RTN4RL1: variants seen among roughly 807,000 people sequenced by gnomAD.
The protein encoded by RTN4RL1 is reticulon-4 receptor-like 1.
Under a neutral mutation model 25.6 loss-of-function variants are expected in RTN4RL1, and 7 were observed. The observed-to-expected ratio is 0.27, with a 90% CI of 0.16 to 0.51. The LOEUF is 0.51. RTN4RL1 is among the 20% of genes least tolerant of loss of function. The probability of loss-of-function intolerance (pLI) is 0.97; values close to 1 mark genes in which losing one functional copy is unlikely to be tolerated. For synonymous variants in RTN4RL1, 297 were observed against 288.2 expected, an observed-to-expected ratio of 1.03 and a Z score of -0.31; for missense variants, 500 against 615.6, an observed-to-expected ratio of 0.81 and a Z score of 1.99.
intron 1 of RTN4RL1, among the ~76,000 whole-genome samples, chr17:2,011,981 G>A (rs1356637699): frequency 6.6e-6 from 1 of 152,160 alleles, no homozygotes; most frequent in African/African-American, 2.4e-5. Flanking sequence ...CCCTCCCTGG[G>A]AGGAGAGGAA....
intron 1 of RTN4RL1, among the ~76,000 whole-genome samples, chr17:1,971,961 C>CAA (rs1323277246): frequency 1.7e-4 from 10 of 59,868 alleles, no homozygotes; most frequent in Admixed American, 3.6e-4. Flanking sequence ...GACTCCCTCT[C>CAA]AAAAAAAAAA....
intron 1 of RTN4RL1, among the ~76,000 whole-genome samples, chr17:1,956,421 G>T (rs1915794586): frequency 1.3e-5 from 2 of 149,082 alleles, no homozygotes; most frequent in African/African-American, 4.9e-5. Flanking sequence ...GAAGGCTGAG[G>T]ACTCAAGTGG....
Position 1,976,531 on chromosome 17 carries a change from G to T in RTN4RL1, c.14-38723C>A, listed in dbSNP as rs1251042662. Among the ~76,000 whole-genome samples, 4 of 152,246 alleles carry T rather than the reference G, an allele frequency of 2.6e-5. No homozygotes were observed. In the East Asian group the frequency reaches 7.7e-4, roughly 29 times the overall value. ...ACCCACATCCTGGCCCTGCCACTCAGCAGCAGTGTGACTTTGGGCAGGTGG... is the reference window on the plus strand; with the variant it reads ...ACCCACATCCTGGCCCTGCCACTCATCAGCAGTGTGACTTTGGGCAGGTGG... On this transcript the variant is annotated intron_variant, in intron 1 of 1. Coordinates refer to ENST00000331238, the MANE Select transcript of RTN4RL1 (RefSeq NM_178568.4).
intron 1 of RTN4RL1, among the ~76,000 whole-genome samples, chr17:2,002,072 G>A (rs946128689): frequency 6.6e-6 from 1 of 151,546 alleles, no homozygotes; most frequent in Non-Finnish European, 1.5e-5. Flanking sequence ...GACAAGCATC[G>A]GAGGTTGGGG....
chr17:2,009,187 T>A (rs903205942), intron 1 of RTN4RL1, among the ~76,000 whole-genome samples: 1 of 152,196 alleles, frequency 6.6e-6, no homozygotes, highest in African/African-American at 2.4e-5. Context: ...TCGCCGGGCT[T>A]GGTGGCTCAC....
chr17:2,001,661 T>A (rs2066958335), intron 1 of RTN4RL1: 1 of 152,308 alleles, frequency 6.6e-6, no homozygotes, highest in Middle Eastern at 3.2e-3. Flanking sequence ...AGAGCCATGC[T>A]GCAAGGTAGA....
At chr17:1,968,767 T>G (rs4239065) in intron 1 of RTN4RL1, among the ~76,000 whole-genome samples, 58,608 of 151,768 alleles carry the variant, frequency 0.39, 11,674 homozygotes, top group Admixed American at 0.53. Flanking sequence ...CTCATTGCAC[T>G]TGTTCTTTGA....
chr17:1,995,345 A>G (rs1442858523), intron 1 of RTN4RL1, among the ~76,000 whole-genome samples: 1 of 151,744 alleles, frequency 6.6e-6, no homozygotes. Flanking sequence ...AAAATCACTT[A>G]AACTCGGGAG....
chr17:1,934,766 G>A lies in RTN4RL1; in HGVS notation c.*1730C>T, dbSNP rs574533029. The A allele has an allele frequency of 6.5e-6, 1 of 152,770 alleles. No individual in the cohort carries two copies. Among genetic ancestry groups the A allele is most frequent in the African/African-American group, 2.4e-5 (1 of 41,560 alleles). 9.5% of individuals were successfully genotyped at this position (152,770 alleles called of 1,614,324 possible). A position where few individuals can be genotyped will look rare whatever the true frequency, so the allele number is the denominator to read the frequency against. ...GCTCCTCACACACATCCTCTCTGGT[G>A]GGGGATTCAGGTTTGTGCAAAGCAC... On this transcript the variant is annotated 3_prime_UTR_variant, in exon 2 of 2. Transcript: ENST00000331238. This position sits in a 1 kb window ranked among gnomAD's most constrained non-coding sequence, Gnocchi z 4.0.
At chr17:1,972,264 G>A (rs551401889) in intron 1 of RTN4RL1, among the ~76,000 whole-genome samples, 6 of 150,104 alleles carry the variant, frequency 4.0e-5, no homozygotes, top group African/African-American at 7.3e-5. Flanking sequence ...CAGAGATCGC[G>A]CCACTGCACT....
chr17:2,010,463 C>G (rs572522073), intron 1 of RTN4RL1, among the ~76,000 whole-genome samples: 1 of 152,158 alleles, frequency 6.6e-6, no homozygotes, highest in South Asian at 2.1e-4. Context: ...GGCTAGCGAG[C>G]AAGACTCTGT....
intron 1 of RTN4RL1, among the ~76,000 whole-genome samples, chr17:1,952,405 C>T (rs149867785): frequency 6.9e-4 from 102 of 147,220 alleles, no homozygotes; most frequent in African/African-American, 2.4e-3. Flanking sequence ...AGTGCGATCT[C>T]GGCTCATTGC....
In RTN4RL1 at chr17:1,994,576, T is replaced by C. The variant is rs1225959773; in HGVS notation, c.13+30277A>G. Among the ~76,000 whole-genome samples the C allele has an allele frequency of 6.6e-6, 1 of 152,158 alleles. No individual in the cohort carries two copies. The highest frequency in any genetic ancestry group is 1.5e-5 in the Non-Finnish European group (1 of 68,022). ...ACAATTTGGGAGAAGGTCCTGCCAC[T>C]ACCTAACTTCACAGAAGGCAGAGGA... On this transcript the variant is annotated intron_variant, in intron 1 of 1. Transcript: ENST00000331238. The surrounding 1 kb of genome is among the most constrained non-coding windows in gnomAD (Gnocchi z 4.3).
chr17:2,019,159 CCT>C (rs1259087261), intron 1 of RTN4RL1: 2 of 152,250 alleles, frequency 1.3e-5, no homozygotes, highest in African/African-American at 2.4e-5. Flanking sequence ...CTTCCCAACT[CCT>C]CTCTCTGTCT....
chr17:1,944,104 T>C (rs1915491061), intron 1 of RTN4RL1, among the ~76,000 whole-genome samples: 3 of 152,124 alleles, frequency 2.0e-5, no homozygotes, highest in African/African-American at 7.2e-5. Flanking sequence ...TTTTTATTTT[T>C]TGTAGCAATA....
At chr17:2,006,246 C>A (rs186383675) in intron 1 of RTN4RL1, among the ~76,000 whole-genome samples, 3 of 152,010 alleles carry the variant, frequency 2.0e-5, no homozygotes, top group African/African-American at 7.2e-5. Context: ...TAACCTCCGC[C>A]TCCCAGGTTC....
At chr17:1,997,926 G>A (rs2066936895) in intron 1 of RTN4RL1, among the ~76,000 whole-genome samples, 1 of 152,196 alleles carries the variant, frequency 6.6e-6, no homozygotes, top group South Asian at 2.1e-4. Flanking sequence ...CGCGCTCCTC[G>A]CAGGCCTTCT....
Position 2,025,202 on chromosome 17 carries a change from G to C in RTN4RL1, c.-337C>G, listed in dbSNP as rs971844577. The C allele has an allele frequency of 1.4e-4, 29 of 214,576 alleles. No homozygotes were observed. Among genetic ancestry groups the C allele is most frequent in the Admixed American group, 1.0e-3 (17 of 17,038 alleles). The allele number at this position is 214,576 out of a possible 1,614,324, so 13.3% of individuals were successfully genotyped here. A position where few individuals can be genotyped will look rare whatever the true frequency, so the allele number is the denominator to read the frequency against. On this transcript the variant is annotated 5_prime_UTR_variant, in exon 1 of 2. Coordinates refer to ENST00000331238, the MANE Select transcript of RTN4RL1 (RefSeq NM_178568.4). This position sits in a 1 kb window ranked among gnomAD's most constrained non-coding sequence, Gnocchi z 4.8. ...GTTTTGAGGGGGGACGCCGCCCCCT[G>C]GCCGGCCGGCCGCAGCCCCCTCCTC...
intron 1 of RTN4RL1, among the ~76,000 whole-genome samples, chr17:1,996,827 G>C (rs564183485): frequency 1.3e-5 from 2 of 152,284 alleles, no homozygotes; most frequent in Admixed American, 1.3e-4. Context: ...TCTGGGTCTC[G>C]GAGACAGGAC....
Sources: gnomAD v4.1 joint callset for allele counts (sites outside exome capture counted in the v4.1 genomes callset) on GRCh38, gnomAD v4.1.1 for gene constraint, Gnocchi (gnomAD v3.1) non-coding constraint, MANE v1.5 for transcripts, NCBI Gene and HGNC (gene_info 2026-07-23, HGNC 2026-07-21) for gene names.